The following USP54 variants were observed in gnomAD, a reference collection of about 807,000 sequenced individuals.
The protein encoded by USP54 is ubiquitin carboxyl-terminal hydrolase 54.
USP54 carries 87 observed loss-of-function variants against 170.5 expected under a neutral mutation model. The ratio of observed to expected loss-of-function variants is 0.51; its 90% confidence interval spans 0.43 to 0.61. The LOEUF is 0.61. Ranked by LOEUF, USP54 falls within the 20% of genes least tolerant of loss-of-function variation. USP54 has a pLI of 0.00. For missense variants in USP54, 1,786 were observed against 2,047.8 expected, an observed-to-expected ratio of 0.87 and a Z score of 2.47; for synonymous variants, 655 against 742.8, an observed-to-expected ratio of 0.88 and a Z score of 1.92.
intron 10 of USP54, among the ~76,000 whole-genome samples, chr10:73,536,934 CA>C (rs2065337135): frequency 6.6e-6 from 1 of 152,212 alleles, no homozygotes; most frequent in Non-Finnish European, 1.5e-5. Flanking sequence ...TCAGAGTTCG[CA>C]AATGGTAGGA....
chr10:73,596,079 C>A (rs1165861610), upstream of USP54, among the ~76,000 whole-genome samples: 1 of 150,300 alleles, frequency 6.7e-6, no homozygotes, highest in Non-Finnish European at 1.5e-5. Flanking sequence ...CCACCGCACT[C>A]CAGCCTGGGC....
rs199772846 is a variant in USP54 at position 73,504,895 on chromosome 10, G to C, written c.4266C>G (p.Thr1422=). 6 of 1,613,944 alleles carry C rather than the reference G, an allele frequency of 3.7e-6. No homozygotes were observed. The highest frequency in any genetic ancestry group is 3.4e-6 in the Non-Finnish European group (4 of 1,180,014). The change falls in exon 22 of 24, where the codon ACC becomes ACG. Residue 1422 remains threonine, a synonymous_variant. Coordinates refer to ENST00000687698, the MANE Select transcript of USP54 (RefSeq NM_001391956.1). ...LRRISRSLSG[T]VVSEREEAPV... ...GAGCTTCCTCCCTCTCTGAGACAAC[G>C]GTGCCACTGAGACTGCGTGAGATGC...
At chr10:73,525,618 C>T (rs192367428) in intron 16 of USP54, among the ~76,000 whole-genome samples, 371 of 152,264 alleles carry the variant, frequency 2.4e-3, no homozygotes, top group African/African-American at 8.5e-3. Context: ...CAATGTTATT[C>T]AACATGAAAT....
At chr10:73,528,788 C>G (rs1187472151) in intron 15 of USP54, among the ~76,000 whole-genome samples, 1 of 152,150 alleles carries the variant, frequency 6.6e-6, no homozygotes, top group Non-Finnish European at 1.5e-5. Context: ...CTGACCTAAT[C>G]TGTTCTTTAA....
At chr10:73,553,803 T>C (rs1460275560) in intron 4 of USP54, among the ~76,000 whole-genome samples, 1 of 152,194 alleles carries the variant, frequency 6.6e-6, no homozygotes, top group East Asian at 1.9e-4. Flanking sequence ...AGGTCTTCCT[T>C]TTCATTCTCA....
Position 73,623,241 on chromosome 10 carries a change from C to T in USP54, c.-18+2326G>A, listed in dbSNP as rs534333534. ...CTACAAAAAAAATTTTAATAATTAACTGCGCGTGGTTGCATGCACCTGTGG... is the reference window on the plus strand; with the variant it reads ...CTACAAAAAAAATTTTAATAATTAATTGCGCGTGGTTGCATGCACCTGTGG... On this transcript the variant is annotated intron_variant, in intron 1 of 22. Transcript: ENST00000339859. Among the ~76,000 whole-genome samples, 5 of 152,152 alleles carry T rather than the reference C, an allele frequency of 3.3e-5. No individual in the cohort carries two copies. In the South Asian group the frequency reaches 1.0e-3, roughly 32 times the overall value.
intron 1 of USP54, among the ~76,000 whole-genome samples, chr10:73,616,096 T>C (rs1259873468): frequency 6.7e-6 from 1 of 149,900 alleles, no homozygotes; most frequent in African/African-American, 2.5e-5. Flanking sequence ...CTGTAATCTT[T>C]GGGAGGCCGA....
chr10:73,523,824 T>A, intron 16 of USP54, 74 bp from the exon 17 acceptor site: 1 of 1,191,138 alleles, frequency 8.4e-7, no homozygotes, highest in Non-Finnish European at 1.1e-6. Context: ...TTATGACCAC[T>A]GCAATACTTT....
At chr10:73,539,704 T>C in intron 9 of USP54, 111 bp from the exon 10 acceptor site, 1 of 1,201,062 alleles carries the variant, frequency 8.3e-7, no homozygotes, top group African/African-American at 1.5e-5. Flanking sequence ...TTGCTTCTCT[T>C]CCCTTCAGTT....
Position 73,541,397 on chromosome 10 carries a change from C to A in USP54, c.803G>T (p.Gly268Val). The part of the protein sequence containing the change: ...DLAEDVIHSL[G>V]TCLKLGDLFF... ...CACATCACCCAGCTTAAGGCAGGTT[C>A]CCAGGCTGTGGATAACATCTTCTGC... Residue 268 changes from glycine to valine, a missense_variant, in exon 9 of 24, where the codon GGA becomes GTA. This residue lies in a region of USP54 where 361 missense variants were observed against 455.0 expected (regional missense o/e 0.79). Transcript: ENST00000687698. The A allele has an allele frequency of 6.2e-7, 1 of 1,614,136 alleles. No individual in the cohort carries two copies. Among genetic ancestry groups the A allele is most frequent in the Non-Finnish European group, 8.5e-7 (1 of 1,180,014 alleles).
intron 12 of USP54, among the ~76,000 whole-genome samples, chr10:73,532,961 C>A (rs2064340422): frequency 6.6e-6 from 1 of 152,112 alleles, no homozygotes; most frequent in African/African-American, 2.4e-5. Context: ...GATATGTGAA[C>A]ACTCATTGGT....
intron 1 of USP54, among the ~76,000 whole-genome samples, chr10:73,597,461 T>C (rs984151916): frequency 2.0e-5 from 3 of 152,168 alleles, no homozygotes; most frequent in African/African-American, 7.2e-5. Flanking sequence ...TCCAGATTAA[T>C]AAACTGTCTC....
At chr10:73,544,592 G>C (rs1007744810) in intron 5 of USP54, among the ~76,000 whole-genome samples, 1 of 152,178 alleles carries the variant, frequency 6.6e-6, no homozygotes, top group Non-Finnish European at 1.5e-5. Flanking sequence ...TTCCAGAGTA[G>C]CTATACCATT....
intron 1 of USP54, among the ~76,000 whole-genome samples, chr10:73,608,274 C>CA (rs554694651): frequency 4.8e-4 from 72 of 149,086 alleles, no homozygotes; most frequent in Admixed American, 6.0e-4. Context: ...ACAAAAAAAA[C>CA]AAAAAAAAAC....
rs558231062 is a variant in USP54 at position 73,549,446 on chromosome 10, TTA to T, written c.241-3776_241-3775del. Among the ~76,000 whole-genome samples, 25 of 152,338 alleles carry T rather than the reference TTA, an allele frequency of 1.6e-4. No individual in the cohort carries two copies. In the South Asian group the frequency reaches 5.2e-3, roughly 32 times the overall value. The stretch of plus-strand genomic sequence containing the variant: ...TTTAACATTCCCCAAACTAAATGTT[TTA>T]TGTTTCCTCCCAACATCCACATTTT... On this transcript the variant is annotated intron_variant, in intron 4 of 23. Transcript: ENST00000687698.
At chr10:73,523,539 C>G (rs775812094) in intron 17 of USP54, 44 bp downstream of exon 17, 6 of 1,494,424 alleles carry the variant, frequency 4.0e-6, no homozygotes, top group Admixed American at 3.9e-5. Context: ...TCTACCCTTT[C>G]TGTCTGTCCC....
chr10:73,548,035 G>GC (rs1049387203), intron 4 of USP54, among the ~76,000 whole-genome samples: 3 of 147,096 alleles, frequency 2.0e-5, no homozygotes, highest in African/African-American at 7.5e-5. Flanking sequence ...AAATTTACAA[G>GC]AAAAAAAAAA....
At chr10:73,517,883 G>C in intron 19 of USP54, 136 bp from the exon 20 acceptor site, 1 of 1,137,172 alleles carries the variant, frequency 8.8e-7, no homozygotes, top group Non-Finnish European at 1.2e-6. Flanking sequence ...ACAAGCACAA[G>C]TAGAGTCAGT....
intron 22 of USP54, among the ~76,000 whole-genome samples, chr10:73,502,210 T>G (rs2133132843): frequency 6.6e-6 from 1 of 152,330 alleles, no homozygotes; most frequent in East Asian, 1.9e-4. Flanking sequence ...CAGTGTATGC[T>G]CACAGCACCT....
Sources: allele counts gnomAD v4.1 joint callset (sites outside exome capture counted in the v4.1 genomes callset), GRCh38; gene constraint gnomAD v4.1.1; regional missense constraint gnomAD v4.1.1; transcripts MANE v1.5; gene names NCBI Gene and HGNC (gene_info 2026-07-23, HGNC 2026-07-21).